The following GLDC variants were observed in gnomAD, a reference collection of about 807,000 sequenced individuals.
GLDC encodes glycine dehydrogenase (decarboxylating), mitochondrial.
In GLDC, 104 loss-of-function variants were observed where a neutral mutation model predicts 121.3. The observed-to-expected ratio is 0.86, with a 90% confidence interval of 0.73 to 1.01. GLDC has a LOEUF of 1.01. Ranked by LOEUF, GLDC falls within the 50% of genes least tolerant of loss-of-function variation. GLDC has a pLI of 0.00. For synonymous variants in GLDC, 546 were observed against 480.6 expected (o/e 1.14, Z -1.78); for missense variants, 1,429 against 1,306.6 (o/e 1.09, Z -1.44).
chr9:6,540,099 A>T lies in GLDC; in HGVS notation c.2617T>A (p.Ser873Thr). Residue 873 changes from serine to threonine, a missense_variant, in exon 22 of 25, where the codon TCT becomes ACT. Transcript: ENST00000321612. Reference sequence around the variant, plus strand: ...ACATCCACAGCCTCAATATTTGCAGACTTTTTGAAGGGTCTCGTGTCCAAA... The same window carrying T: ...ACATCCACAGCCTCAATATTTGCAGTCTTTTTGAAGGGTCTCGTGTCCAAA... ...FILDTRPFKKSANIEAVDVAK... is the reference protein window; with the variant it reads ...FILDTRPFKKTANIEAVDVAK... 1 of 1,613,748 alleles carries T rather than the reference A, an allele frequency of 6.2e-7. No individual in the cohort carries two copies. Among genetic ancestry groups the T allele is most frequent in the Non-Finnish European group, 8.5e-7 (1 of 1,179,630 alleles).
Position 6,582,746 on chromosome 9 carries a change from G to A in GLDC, c.1850+4395C>T, listed in dbSNP as rs147309013. On this transcript the variant is annotated intron_variant, in intron 15 of 24. Transcript: ENST00000321612. ...CGGGAGGGTGAGGCAGGAGAATGGCGTGAACCCGGGAGGCGATCGTTGCAG... is the reference window on the plus strand; with the variant it reads ...CGGGAGGGTGAGGCAGGAGAATGGCATGAACCCGGGAGGCGATCGTTGCAG... Among the ~76,000 whole-genome samples, 37 of 150,532 alleles carry A rather than the reference G, an allele frequency of 2.5e-4. 1 individual carries two copies. The East Asian group carries it at 6.1e-3, about 25-fold the overall frequency.
chr9:6,565,586 CA>C, intron 15 of GLDC, 157 bp from the exon 16 acceptor site: 1 of 713,282 alleles, frequency 1.4e-6, no homozygotes. Flanking sequence ...CTGCTGGAGT[CA>C]AAAGGTCTTG....
chr9:6,641,671 T>G (rs1175344912), intron 2 of GLDC, among the ~76,000 whole-genome samples: 1 of 152,210 alleles, frequency 6.6e-6, no homozygotes, highest in African/African-American at 2.4e-5. Flanking sequence ...TAATATACAT[T>G]AATACATGAA....
chr9:6,543,502 G>T (rs1817314343), intron 21 of GLDC, among the ~76,000 whole-genome samples: 1 of 152,174 alleles, frequency 6.6e-6, no homozygotes, highest in South Asian at 2.1e-4. Context: ...TAATACTACA[G>T]TGCCATCTGA....
At chr9:6,594,844 A>G (rs1198553562) in intron 9 of GLDC, among the ~76,000 whole-genome samples, 170 bp downstream of exon 9, 1 of 152,184 alleles carries the variant, frequency 6.6e-6, no homozygotes, top group Non-Finnish European at 1.5e-5. Context: ...AAAGAAAGAG[A>G]AAGAAAGAAA....
intron 2 of GLDC, among the ~76,000 whole-genome samples, chr9:6,638,114 C>T (rs7872937): frequency 0.34 from 51,386 of 152,076 alleles, 9,691 homozygotes; most frequent in East Asian, 0.51. Flanking sequence ...CCCGCAACAA[C>T]ATTCAAGTGC....
intron 5 of GLDC, among the ~76,000 whole-genome samples, chr9:6,606,311 A>G (rs931710045): frequency 1.5e-5 from 2 of 129,780 alleles, no homozygotes; most frequent in Non-Finnish European, 3.1e-5. Context: ...CTCCGTCTCA[A>G]AAAAAAAAAA....
chr9:6,580,749 A>AT (rs902519817), intron 15 of GLDC, among the ~76,000 whole-genome samples: 5 of 152,208 alleles, frequency 3.3e-5, no homozygotes, highest in Non-Finnish European at 5.9e-5. Flanking sequence ...CATCTGCTCC[A>AT]TAACACTTCC....
At chr9:6,635,367 A>C (rs560221953) in intron 2 of GLDC, among the ~76,000 whole-genome samples, 1 of 152,322 alleles carries the variant, frequency 6.6e-6, no homozygotes, top group South Asian at 2.1e-4. Context: ...ACACCAATCC[A>C]AAAACCAAAA....
intron 15 of GLDC, among the ~76,000 whole-genome samples, chr9:6,585,261 T>G (rs1818245797): frequency 6.6e-6 from 1 of 152,196 alleles, no homozygotes; most frequent in Non-Finnish European, 1.5e-5. Flanking sequence ...TAACCAGAAT[T>G]AAAATAGTCT....
At chr9:6,559,452 T>G (rs1817702820) in intron 16 of GLDC, among the ~76,000 whole-genome samples, 2 of 146,494 alleles carry the variant, frequency 1.4e-5, no homozygotes, top group South Asian at 4.3e-4. Context: ...GAGGTGTAGG[T>G]TGCGGTGAGC....
At chr9:6,587,077 A>G in intron 15 of GLDC, 64 bp downstream of exon 15, 3 of 1,352,158 alleles carry the variant, frequency 2.2e-6, no homozygotes. Flanking sequence ...TAAGCCTTTA[A>G]GTTTTGTGGT....
At chr9:6,557,973 C>G (rs1486415005) in intron 17 of GLDC, 1 of 193,930 alleles carries the variant, frequency 5.2e-6, no homozygotes, top group African/African-American at 2.3e-5. Flanking sequence ...AGTTCACAGT[C>G]TCCATGCCTA....
intron 21 of GLDC, among the ~76,000 whole-genome samples, chr9:6,542,665 C>A (rs1036836353): frequency 2.6e-5 from 4 of 151,832 alleles, no homozygotes; most frequent in African/African-American, 9.7e-5. Flanking sequence ...GCAGGAAGAT[C>A]GCTTGAGCCC....
intron 2 of GLDC, among the ~76,000 whole-genome samples, chr9:6,629,092 T>C (rs1008981162): frequency 1.3e-5 from 2 of 151,816 alleles, no homozygotes; most frequent in African/African-American, 4.8e-5. Flanking sequence ...CTTTACATCA[T>C]TCCACATAAG....
At chr9:6,645,197 C>G (rs777462956) in intron 1 of GLDC, 48 bp downstream of exon 1, 28 of 1,519,326 alleles carry the variant, frequency 1.8e-5, no homozygotes, top group Admixed American at 4.1e-5. Flanking sequence ...AGGCAGAGCC[C>G]GGGCAGGGCG....
chr9:6,559,194 T>C (rs1051962967), intron 16 of GLDC, among the ~76,000 whole-genome samples: 4 of 152,184 alleles, frequency 2.6e-5, no homozygotes, highest in African/African-American at 7.2e-5. Context: ...TATTAGTTTC[T>C]ATAAGAACCA....
chr9:6,645,170 G>T lies in GLDC; in HGVS notation c.255+75C>A, dbSNP rs1417935306. On this transcript the variant is annotated intron_variant, in intron 1 of 24. Transcript: ENST00000321612. ...CGGAGCGCAGCAGAGCTCAGGGTAG[G>T]AGCCGGGAGGCCGCGCAGGCAGAGC... 15 of 1,413,294 alleles carry T rather than the reference G, an allele frequency of 1.1e-5. No homozygotes were observed. In the Admixed American group the frequency reaches 1.2e-4, roughly 11 times the overall value. The allele number at this position is 1,413,294 out of a possible 1,614,324, so 87.5% of individuals were successfully genotyped here.
At chr9:6,602,004 A>C (rs915053741) in intron 8 of GLDC, 105 bp downstream of exon 8, 5 of 771,042 alleles carry the variant, frequency 6.5e-6, no homozygotes, top group Middle Eastern at 2.3e-4. Flanking sequence ...TGGTGTGCTC[A>C]CTGCTCAGGA....
Sources: allele counts gnomAD v4.1 joint callset (sites outside exome capture counted in the v4.1 genomes callset), GRCh38; gene constraint gnomAD v4.1.1; transcripts MANE v1.5; gene names NCBI Gene and HGNC (gene_info 2026-07-23, HGNC 2026-07-21).